ELK3: variants seen among roughly 807,000 people sequenced by gnomAD.
ELK3 encodes the protein ETS domain-containing protein Elk-3.
In ELK3, 10 loss-of-function variants were observed where a neutral mutation model predicts 28.9. The ratio of observed to expected loss-of-function variants is 0.35; its 90% CI spans 0.21 to 0.59. The LOEUF is 0.59. Among genes scored for constraint, ELK3 ranks in the 20% least tolerant of loss-of-function variants. The pLI is 0.82. For synonymous variants in ELK3, 272 were observed against 243.5 expected (o/e 1.12, Z -1.09); for missense variants, 463 against 517.3 (o/e 0.90, Z 1.02).
In ELK3 at chr12:96,208,001, G is replaced by A. The variant is rs114397949; in HGVS notation, c.-3+13296G>A. Among the ~76,000 whole-genome samples, 1,515 of 152,282 alleles carry A rather than the reference G, an allele frequency of 9.9e-3. 33 individuals are homozygous for A. Among genetic ancestry groups the A allele is most frequent in the African/African-American group, 0.035 (1,435 of 41,554 alleles). ...AATAGTTTCAGTGGATTTACTCTAC[G>A]AAGGGAGAAAGGTAACTTTTCCAGG... On this transcript the variant is annotated intron_variant, in intron 1 of 4. Transcript: ENST00000228741.
rs765609150 is a variant in ELK3, at chr12:96,246,930, G to A, written c.208-10G>A. 7 of 1,576,808 alleles carry A rather than the reference G, an allele frequency of 4.4e-6. No individual in the cohort carries two copies. The East Asian group carries it at 1.6e-4, about 36-fold the overall frequency. On this transcript the variant is annotated splice_polypyrimidine_tract_variant and intron_variant, in intron 2 of 4. Transcript: ENST00000228741. ...ACTCAGATTTTCAACGTCTACTTTT[G>A]TATTTGCAGAACATCATCAAGAAGG...
At chr12:96,215,956 A>G (rs1439213220) in intron 1 of ELK3, among the ~76,000 whole-genome samples, 1 of 152,154 alleles carries the variant, frequency 6.6e-6, no homozygotes, top group Non-Finnish European at 1.5e-5. Flanking sequence ...TCATAACTGC[A>G]TTCTTTAAGT....
intron 2 of ELK3, among the ~76,000 whole-genome samples, chr12:96,242,465 A>G (rs902557919): frequency 1.3e-5 from 2 of 152,204 alleles, no homozygotes; most frequent in African/African-American, 4.8e-5. Context: ...AGCACATACT[A>G]GCTTGTATTA....
chr12:96,261,122 C>T (rs2137043607), intron 4 of ELK3, among the ~76,000 whole-genome samples: 1 of 152,290 alleles, frequency 6.6e-6, no homozygotes, highest in Non-Finnish European at 1.5e-5. Flanking sequence ...TTAATGTCTG[C>T]TGAGTACCTC....
At position 96,194,379 on chromosome 12, in the gene ELK3, G is replaced by A. The variant is rs1013764350; in HGVS notation, c.-329G>A. On this transcript the variant is annotated 5_prime_UTR_variant, in exon 1 of 5. Transcript: ENST00000228741. ...GGCCGGGGCGGCGGGGGAGGCGCGG[G>A]CCTGGGCGGCCAGCCCCGGCGCACA... The A allele has an allele frequency of 1.0e-4, 15 of 146,280 alleles. No homozygotes were observed. The highest frequency in any genetic ancestry group is 3.7e-4 in the African/African-American group (15 of 40,798). 9.1% of individuals were successfully genotyped at this position (146,280 alleles called of 1,614,324 possible).
chr12:96,215,867 C>A (rs745684248), intron 1 of ELK3, among the ~76,000 whole-genome samples: 1 of 152,096 alleles, frequency 6.6e-6, no homozygotes, highest in African/African-American at 2.4e-5. Context: ...TTCCTGGGCT[C>A]AAGCGATCCA....
intron 1 of ELK3, among the ~76,000 whole-genome samples, chr12:96,197,647 A>G (rs1426599393): frequency 2.0e-5 from 3 of 152,168 alleles, no homozygotes; most frequent in Non-Finnish European, 4.4e-5. Context: ...GAAACTCTGC[A>G]AGTATAGCAT....
chr12:96,226,883 GAGA>G (rs1351830400), intron 2 of ELK3, among the ~76,000 whole-genome samples: 1 of 152,164 alleles, frequency 6.6e-6, no homozygotes, highest in East Asian at 1.9e-4. Flanking sequence ...AGAGGGGATG[GAGA>G]AGGAGGAAGA....
intron 1 of ELK3, among the ~76,000 whole-genome samples, chr12:96,223,364 T>C (rs898257716): frequency 6.6e-6 from 1 of 152,178 alleles, no homozygotes; most frequent in Non-Finnish European, 1.5e-5. Flanking sequence ...TATTTCTGAA[T>C]TGTGGCTCCT....
chr12:96,195,168 G>A (rs1399546910), intron 1 of ELK3, among the ~76,000 whole-genome samples: 1 of 152,172 alleles, frequency 6.6e-6, no homozygotes, highest in East Asian at 1.9e-4. Context: ...CCTTCCAGCT[G>A]GGACCGCAGT....
intron 1 of ELK3, among the ~76,000 whole-genome samples, chr12:96,218,319 G>A (rs940265175): frequency 6.6e-6 from 1 of 152,210 alleles, no homozygotes; most frequent in Admixed American, 6.5e-5. Context: ...GAGCAGCAAT[G>A]CCTTTAAAAG....
chr12:96,245,349 G>A (rs1278257347), intron 2 of ELK3, among the ~76,000 whole-genome samples: 1 of 152,164 alleles, frequency 6.6e-6, no homozygotes, highest in Non-Finnish European at 1.5e-5. Flanking sequence ...GTGTGGGGAT[G>A]TGAAAAAGCT....
At position 96,197,668 on chromosome 12, in the gene ELK3, T is replaced by A. The variant is rs139401678; in HGVS notation, c.-3+2963T>A. 3.7e-3 allele frequency among the ~76,000 whole-genome samples: 570 copies of A among 152,320 alleles called. 4 individuals are homozygous for A. The highest frequency in any genetic ancestry group is 0.013 in the African/African-American group (546 of 41,570). On this transcript the variant is annotated intron_variant, in intron 1 of 4. Transcript: ENST00000228741. The stretch of plus-strand genomic sequence containing the variant: ...CTGCAAGTATAGCATCTTCATGCAC[T>A]TGGTACCAATGCTGTTGAGACCAGA...
chr12:96,236,017 G>T (rs1233601734), intron 2 of ELK3, among the ~76,000 whole-genome samples: 1 of 151,992 alleles, frequency 6.6e-6, no homozygotes, highest in African/African-American at 2.4e-5. Context: ...GTAGAGATGG[G>T]GTTTCACCAT....
intron 1 of ELK3, among the ~76,000 whole-genome samples, chr12:96,205,485 TC>T (rs1251027518): frequency 6.6e-6 from 1 of 152,186 alleles, no homozygotes; most frequent in Admixed American, 6.5e-5. Context: ...TTTCTTTTTT[TC>T]TTTTAGAGAC....
intron 2 of ELK3, among the ~76,000 whole-genome samples, chr12:96,239,496 A>G (rs1951805906): frequency 2.0e-5 from 3 of 152,148 alleles, no homozygotes; most frequent in South Asian, 2.1e-4. Context: ...CATCTCTGCA[A>G]TGGGATAACA....
intron 1 of ELK3, among the ~76,000 whole-genome samples, chr12:96,219,990 G>C (rs531238241): frequency 6.6e-6 from 1 of 152,134 alleles, no homozygotes; most frequent in Non-Finnish European, 1.5e-5. Context: ...CACCTCCGCC[G>C]GAGCAGTGTT....
At chr12:96,205,954 T>C (rs1267500042) in intron 1 of ELK3, among the ~76,000 whole-genome samples, 1 of 152,220 alleles carries the variant, frequency 6.6e-6, no homozygotes, top group East Asian at 1.9e-4. Context: ...GTGTTAAAAT[T>C]TTCTTTAAGT....
At chr12:96,245,697 C>T (rs963463773) in intron 2 of ELK3, among the ~76,000 whole-genome samples, 7 of 152,044 alleles carry the variant, frequency 4.6e-5, no homozygotes, top group African/African-American at 1.2e-4. Flanking sequence ...GCCCCTTGGA[C>T]GCCAAGATGC....
Sources: allele counts gnomAD v4.1 joint callset (sites outside exome capture counted in the v4.1 genomes callset), GRCh38; gene constraint gnomAD v4.1.1; transcripts MANE v1.5; gene names NCBI Gene and HGNC (gene_info 2026-07-23, HGNC 2026-07-21).